ABCA12: variants seen among roughly 807,000 people sequenced by gnomAD.
ABCA12 encodes ATP binding cassette subfamily A member 12.
In ABCA12, 156 loss-of-function variants were observed where a neutral mutation model predicts 293.5. The observed-to-expected ratio is 0.53, with a 90% CI of 0.47 to 0.61. The LOEUF is 0.61. Ranked by LOEUF, ABCA12 falls within the 20% of genes least tolerant of loss-of-function variation. The pLI, the probability that ABCA12 is intolerant of heterozygous loss-of-function variation, is 0.00. For synonymous variants in ABCA12, 1,063 were observed against 1,108.0 expected, an observed-to-expected ratio of 0.96 and a Z score of 0.81; for missense variants, 2,797 against 3,090.2, an observed-to-expected ratio of 0.91 and a Z score of 2.25.
At chr2:215,048,409 GA>G (rs562226010) in intron 6 of ABCA12, among the ~76,000 whole-genome samples, 3 of 141,420 alleles carry the variant, frequency 2.1e-5, no homozygotes, top group African/African-American at 9.6e-5. Context: ...CAAAGACACA[GA>G]ATCAGCCGGT....
intron 1 of ABCA12, among the ~76,000 whole-genome samples, chr2:215,112,921 C>G (rs148102373): frequency 6.6e-6 from 1 of 152,208 alleles, no homozygotes; most frequent in Non-Finnish European, 1.5e-5. Flanking sequence ...ATAATTGGCT[C>G]CAGAACCATG....
intron 44 of ABCA12, 87 bp downstream of exon 44, chr2:214,953,767 G>A: frequency 6.6e-7 from 1 of 1,504,418 alleles, no homozygotes; most frequent in Non-Finnish European, 9.0e-7. Flanking sequence ...ATTACCAATG[G>A]AAAAGCTTAG....
chr2:215,060,486 G>A (rs1701507780), intron 3 of ABCA12, among the ~76,000 whole-genome samples: 1 of 151,800 alleles, frequency 6.6e-6, no homozygotes, highest in South Asian at 2.1e-4. Flanking sequence ...ATGTAATTAT[G>A]TTCCAATTCA....
chr2:215,109,510 T>A (rs1436830430), intron 2 of ABCA12, among the ~76,000 whole-genome samples: 2 of 152,206 alleles, frequency 1.3e-5, no homozygotes, highest in Non-Finnish European at 2.9e-5. Context: ...CCTATAATTT[T>A]GTACTGTCCT....
chr2:215,134,023 C>A (rs1321760937), intron 1 of ABCA12, among the ~76,000 whole-genome samples: 1 of 151,690 alleles, frequency 6.6e-6, no homozygotes, highest in African/African-American at 2.4e-5. Context: ...TAGATATGTC[C>A]CAATATTCCA....
At chr2:215,008,263 T>C (rs1217821547) in intron 18 of ABCA12, among the ~76,000 whole-genome samples, 1 of 152,184 alleles carries the variant, frequency 6.6e-6, no homozygotes, top group Non-Finnish European at 1.5e-5. Context: ...AATTTGACAA[T>C]GGCTATTAAA....
At position 214,974,031 on chromosome 2, in the gene ABCA12, T is replaced by C. The variant is rs1020205670; in HGVS notation, c.5480A>G (p.Asn1827Ser). 8 of 1,613,816 alleles carry C rather than the reference T, an allele frequency of 5.0e-6. No homozygotes were observed. Among genetic ancestry groups the C allele is most frequent in the Non-Finnish European group, 6.8e-6 (8 of 1,179,870 alleles). Reference sequence around the variant, plus strand: ...GTTCCATTTTTCCAGACTGTCTTTGTTTAAACACTGTCTGCAAGTTAAAAT... The same window carrying C: ...GTTCCATTTTTCCAGACTGTCTTTGCTTAAACACTGTCTGCAAGTTAAAAT... ...CLNTSDLQCL[N>S]KDSLEKWNTS... The change falls in exon 36 of 53, where the codon AAC becomes AGC. Residue 1827 changes from asparagine to serine, a missense_variant. This residue lies in a region of ABCA12 where 2,130 missense variants were observed against 2,427.0 expected (regional missense o/e 0.88). Coordinates refer to ENST00000272895, the MANE Select transcript of ABCA12 (RefSeq NM_173076.3).
At chr2:215,126,427 C>A (rs1199974194) in intron 1 of ABCA12, among the ~76,000 whole-genome samples, 4 of 152,068 alleles carry the variant, frequency 2.6e-5, no homozygotes, top group Non-Finnish European at 4.4e-5. Context: ...TCTGTCTGGT[C>A]CTGGACTTTA....
chr2:215,033,858 G>A (rs892906447), intron 8 of ABCA12, among the ~76,000 whole-genome samples: 1 of 151,868 alleles, frequency 6.6e-6, no homozygotes, highest in Admixed American at 6.6e-5. Flanking sequence ...GGAGAATGGC[G>A]TGAACCCGGG....
intron 6 of ABCA12, among the ~76,000 whole-genome samples, chr2:215,047,974 G>GAA (rs755752019): frequency 5.1e-5 from 7 of 136,322 alleles, no homozygotes; most frequent in South Asian, 2.4e-4. Context: ...AAATTTACAA[G>GAA]AAAAAAAAAA....
At chr2:215,069,032 T>C (rs903190435) in intron 2 of ABCA12, among the ~76,000 whole-genome samples, 1 of 152,182 alleles carries the variant, frequency 6.6e-6, no homozygotes, top group Non-Finnish European at 1.5e-5. Flanking sequence ...ATTATAGCAA[T>C]GGTAGAATCG....
At position 214,949,043 on chromosome 2, in the gene ABCA12, G is replaced by T. The variant is rs906035696; in HGVS notation, c.6959C>A (p.Thr2320Asn). 2.5e-6 allele frequency: 4 copies of T among 1,610,918 alleles called. No individual in the cohort carries two copies. Among genetic ancestry groups the T allele is most frequent in the Non-Finnish European group, 3.4e-6 (4 of 1,177,474 alleles). ...TTGAAGCATTAGTTTTTCATACCCG[G>T]TCTTATTTCTGATCAGAATGTTTCC... ...SSGNILIRNKTGSLGHVDSHS... is the reference protein window; with the variant it reads ...SSGNILIRNKNGSLGHVDSHS... Residue 2320 changes from threonine (T) to asparagine (N), a missense_variant, in exon 46 of 53, where the codon ACC becomes AAC. By Grantham distance (65) the Thr-to-Asn change is moderately conservative. This residue lies in a region of ABCA12 where 2,130 missense variants were observed against 2,427.0 expected (regional missense o/e 0.88). Transcript: ENST00000272895.
intron 2 of ABCA12, among the ~76,000 whole-genome samples, chr2:215,067,232 T>A (rs1701655905): frequency 6.6e-6 from 1 of 152,122 alleles, no homozygotes; most frequent in South Asian, 2.1e-4. Context: ...TGAAATTACA[T>A]TCCCCTTTAA....
intron 2 of ABCA12, among the ~76,000 whole-genome samples, chr2:215,066,401 A>G (rs1247861171): frequency 6.6e-6 from 1 of 152,124 alleles, no homozygotes; most frequent in East Asian, 1.9e-4. Flanking sequence ...CAGTACTGAA[A>G]AAAATGAGAC....
In ABCA12 at chr2:215,012,146, C is replaced by A. The variant is rs1409435230; in HGVS notation, c.1957-11G>T. 2 of 1,613,000 alleles carry A rather than the reference C, an allele frequency of 1.2e-6. No homozygotes were observed. The highest frequency in any genetic ancestry group is 1.1e-5 in the South Asian group (1 of 91,052). On this transcript the variant is annotated splice_polypyrimidine_tract_variant and intron_variant, in intron 15 of 52. Coordinates refer to ENST00000272895, the MANE Select transcript of ABCA12 (RefSeq NM_173076.3). ...CCTCGGGAAAAACACCTAACAGAAA[C>A]AGAATAAAAATAAATGCTTTATGTG...
At position 214,983,702 on chromosome 2, in the gene ABCA12, C is replaced by A. The variant is rs1432006234; in HGVS notation, c.4327G>T (p.Gly1443Cys). 3 of 1,614,016 alleles carry A rather than the reference C, an allele frequency of 1.9e-6. No individual in the cohort carries two copies. Among genetic ancestry groups the A allele is most frequent in the Non-Finnish European group, 2.5e-6 (3 of 1,180,006 alleles). Residue 1443 changes from glycine to cysteine, a missense_variant, in exon 29 of 53, where the codon GGT becomes TGT. By Grantham distance (159) the Gly-to-Cys change is radical. Around this residue, in one of 3 missense-constraint regions of ABCA12, gnomAD observed 2,130 missense variants for 2,427.0 expected, o/e 0.88. Transcript: ENST00000272895. ...LTTKEHLLLY[G>C]SIKVPHWTKK... ...GTCCAGTGAGGAACTTTGATGGAAC[C>A]ATATAGGAGAAGGTGCTCCTTAGTA...
intron 45 of ABCA12, among the ~76,000 whole-genome samples, chr2:214,949,979 C>T (rs1305680869): frequency 6.6e-6 from 1 of 152,092 alleles, no homozygotes. Flanking sequence ...ATACAGTCAG[C>T]CCTCCTTATC....
chr2:214,960,868 A>C (rs2105940212), intron 39 of ABCA12, among the ~76,000 whole-genome samples: 1 of 152,252 alleles, frequency 6.6e-6, no homozygotes, highest in Admixed American at 6.5e-5. Context: ...GAAAGAACAG[A>C]ATTTTCATGT....
chr2:215,014,611 G>A (rs1700449553), intron 15 of ABCA12, among the ~76,000 whole-genome samples: 3 of 152,082 alleles, frequency 2.0e-5, no homozygotes, highest in Non-Finnish European at 4.4e-5. Context: ...CAGGCTGCTT[G>A]CAAGGTGCTA....
Sources: gnomAD v4.1 joint callset for allele counts (sites outside exome capture counted in the v4.1 genomes callset) on GRCh38, gnomAD v4.1.1 for gene constraint, gnomAD v4.1.1 regional missense constraint, MANE v1.5 for transcripts, NCBI Gene and HGNC (gene_info 2026-07-23, HGNC 2026-07-21) for gene names.